Variants in MARK2 observed in about 807,000 individuals in gnomAD.
The protein encoded by MARK2 is serine/threonine-protein kinase MARK2.
In MARK2, 16 loss-of-function variants were observed where a neutral mutation model predicts 89.8. The ratio of observed to expected loss-of-function variants is 0.18; its 90% CI spans 0.12 to 0.27. MARK2 has a LOEUF of 0.27. Among genes scored for constraint, MARK2 ranks in the 10% least tolerant of loss-of-function variants. The pLI is 1.00. For missense variants in MARK2, 621 were observed against 1,049.9 expected (o/e 0.59, Z 5.65); for synonymous variants, 382 against 399.5 (o/e 0.96, Z 0.52).
chr11:63,848,589 C>T (rs755926185), intron 1 of MARK2, among the ~76,000 whole-genome samples: 26 of 148,082 alleles, frequency 1.8e-4, no homozygotes, highest in Non-Finnish European at 2.7e-4. Context: ...CTCGCTCTGT[C>T]GCCCAGGCTG....
intron 1 of MARK2, among the ~76,000 whole-genome samples, chr11:63,853,359 A>G (rs2016669210): frequency 6.6e-6 from 1 of 151,878 alleles, no homozygotes; most frequent in Non-Finnish European, 1.5e-5. Flanking sequence ...AGATCGTGCC[A>G]TTGCACTCCA....
intron 4 of MARK2, 108 bp downstream of exon 4, chr11:63,898,388 A>G (rs1590677868): frequency 8.8e-7 from 1 of 1,132,632 alleles, no homozygotes; most frequent in East Asian, 2.3e-5. Context: ...TGCAGTCTTC[A>G]AGGATACCCC....
chr11:63,903,390 C>A lies in MARK2; in HGVS notation c.1514+232C>A. ...TTGCCAAGTGTGGGGCTGACCGTGG[C>A]CATCTCAGCTACATGCTCGCTTCTT... is the stretch of plus-strand genomic sequence containing the variant. On this transcript the variant is annotated intron_variant, in intron 14 of 18. Transcript: ENST00000402010. The surrounding 1 kb of genome is among the most constrained non-coding windows in gnomAD (Gnocchi z 5.1). The A allele has an allele frequency of 1.8e-6, 1 of 541,248 alleles. No homozygotes were observed. The allele number at this position is 541,248 out of a possible 1,614,324, so 33.5% of individuals were successfully genotyped here. A position where few individuals can be genotyped will look rare whatever the true frequency, so the allele number is the denominator to read the frequency against.
At chr11:63,876,673 A>G (rs1009521084) in intron 1 of MARK2, among the ~76,000 whole-genome samples, 4 of 151,612 alleles carry the variant, frequency 2.6e-5, no homozygotes, top group African/African-American at 9.7e-5. Context: ...GCTGCCTTTT[A>G]GGATTTGTTG....
chr11:63,897,333 G>A (rs772905794), intron 3 of MARK2, among the ~76,000 whole-genome samples: 1 of 152,146 alleles, frequency 6.6e-6, no homozygotes, highest in Non-Finnish European at 1.5e-5. Flanking sequence ...CCTAATAAAG[G>A]GTAAGGTCAG....
At chr11:63,864,488 G>T (rs961640798) in intron 1 of MARK2, among the ~76,000 whole-genome samples, 1 of 147,354 alleles carries the variant, frequency 6.8e-6, no homozygotes, top group Non-Finnish European at 1.5e-5. Flanking sequence ...TTGAACTCCC[G>T]ACCTCAGGTG....
intron 17 of MARK2, among the ~76,000 whole-genome samples, chr11:63,907,212 A>G (rs1565150795): frequency 6.6e-6 from 1 of 152,176 alleles, no homozygotes; most frequent in Non-Finnish European, 1.5e-5. Context: ...AGGAACGTCC[A>G]GACAGGGTCT....
At chr11:63,887,788 A>G (rs1939493396) in intron 1 of MARK2, among the ~76,000 whole-genome samples, 1 of 152,160 alleles carries the variant, frequency 6.6e-6, no homozygotes, top group Non-Finnish European at 1.5e-5. Context: ...ATGTGCCCAG[A>G]TAGTGGGGGC....
chr11:63,900,523 G>A lies in MARK2; in HGVS notation c.769-36G>A. On this transcript the variant is annotated intron_variant, in intron 8 of 18. Transcript: ENST00000402010. This position sits in a 1 kb window ranked among gnomAD's most constrained non-coding sequence, Gnocchi z 4.7. Reference sequence around the variant, plus strand: ...TTAGGTTTCTTCCTTTGGCCTTGGGGTGATTTCAATTTTCTAACCCTGGAT... The same window carrying A: ...TTAGGTTTCTTCCTTTGGCCTTGGGATGATTTCAATTTTCTAACCCTGGAT... The A allele has an allele frequency of 6.2e-7, 1 of 1,609,952 alleles. No homozygotes were observed. Among genetic ancestry groups the A allele is most frequent in the Non-Finnish European group, 8.5e-7 (1 of 1,177,720 alleles).
rs1235960996 is a variant in MARK2, at chr11:63,900,228, G to A, written c.768+118G>A. 2 of 811,088 alleles carry A rather than the reference G, an allele frequency of 2.5e-6. No individual in the cohort carries two copies. Among genetic ancestry groups the A allele is most frequent in the East Asian group, 4.9e-5 (2 of 41,102 alleles). The allele number at this position is 811,088 out of a possible 1,614,324, so 50.2% of individuals were successfully genotyped here. A position where few individuals can be genotyped will look rare whatever the true frequency, so the allele number is the denominator to read the frequency against. ...TGTCCCAAGCCAAAGCTTCAGAGAA[G>A]GGCTTGCTGAGGTAGCAGCAGTCAA... On this transcript the variant is annotated intron_variant, in intron 8 of 18. Transcript: ENST00000402010. This position sits in a 1 kb window ranked among gnomAD's most constrained non-coding sequence, Gnocchi z 4.7.
At position 63,904,141 on chromosome 11, in the gene MARK2, G is replaced by A. The variant is rs1255701916; in HGVS notation, c.1670G>A (p.Arg557Gln). The change falls in exon 15 of 19, where the codon CGG becomes CAG. Residue 557 changes from arginine to glutamine, a missense_variant. Arg to Gln is a conservative substitution (Grantham distance 43, BLOSUM62 1). Transcript: ENST00000402010. This position sits in a 1 kb window ranked among gnomAD's most constrained non-coding sequence, Gnocchi z 6.3. ...ACGGAGAGTAACTGTGAGGTGCCGCGGCCCAGGCAAGTGTGCTGGGGCAGC... is the reference window on the plus strand; with the variant it reads ...ACGGAGAGTAACTGTGAGGTGCCGCAGCCCAGGCAAGTGTGCTGGGGCAGC... Reference protein sequence around the residue: ...PPTESNCEVPRPSTAPQRVPV... With the variant: ...PPTESNCEVPQPSTAPQRVPV... The A allele has an allele frequency of 4.4e-6, 7 of 1,576,658 alleles. No individual in the cohort carries two copies. Among genetic ancestry groups the A allele is most frequent in the Admixed American group, 1.8e-5 (1 of 55,354 alleles).
Position 63,839,349 on chromosome 11 carries a change from G to A in MARK2, c.-158G>A. 1 of 531,150 alleles carries A rather than the reference G, an allele frequency of 1.9e-6. No homozygotes were observed. Among genetic ancestry groups the A allele is most frequent in the Non-Finnish European group, 3.3e-6 (1 of 307,454 alleles). 32.9% of individuals were successfully genotyped at this position (531,150 alleles called of 1,614,324 possible). ...GCCTAGCCCGAGCGGCGCATCCCCG[G>A]GCTGGCGTGAGCGGCTGCCCGGCCT... On this transcript the variant is annotated 5_prime_UTR_variant, in exon 1 of 19. Transcript: ENST00000402010.
At chr11:63,851,279 A>G (rs1198925417) in intron 1 of MARK2, among the ~76,000 whole-genome samples, 1 of 152,106 alleles carries the variant, frequency 6.6e-6, no homozygotes, top group Admixed American at 6.6e-5. Context: ...TTCACATTGA[A>G]GCTGTGGCTG....
At chr11:63,894,380 A>G (rs543099121) in intron 1 of MARK2, among the ~76,000 whole-genome samples, 4 of 152,222 alleles carry the variant, frequency 2.6e-5, no homozygotes, top group Non-Finnish European at 5.9e-5. Flanking sequence ...CCATGCAGGA[A>G]GGGCTACTAC....
chr11:63,863,231 G>GTGCACATGGCTAGCTATGGGGAC (rs1366659129), intron 1 of MARK2, among the ~76,000 whole-genome samples: 1 of 152,128 alleles, frequency 6.6e-6, no homozygotes, highest in Non-Finnish European at 1.5e-5. Context: ...CCCCATAGCT[G>GTGCACATGGCTAGCTATGGGGAC]TGCACATGGC....
chr11:63,902,341 T>C lies in MARK2; in HGVS notation c.1234+11T>C, dbSNP rs1304791711. 1.2e-6 allele frequency: 2 copies of C among 1,613,666 alleles called. No individual in the cohort carries two copies. The highest frequency in any genetic ancestry group is 1.1e-5 in the South Asian group (1 of 91,076). On this transcript the variant is annotated intron_variant, in intron 12 of 18. Transcript: ENST00000402010. This position sits in a 1 kb window ranked among gnomAD's most constrained non-coding sequence, Gnocchi z 4.2. ...GCTTCAGCGACCAGGGTAAATGCTT[T>C]TGGGAGTTGTAGGTGGGGACTCACC...
intron 1 of MARK2, among the ~76,000 whole-genome samples, chr11:63,846,656 A>T (rs1369416660): frequency 2.0e-5 from 3 of 146,660 alleles, no homozygotes; most frequent in Admixed American, 6.8e-5. Context: ...GGCCAAAAAA[A>T]ATTTTTTTTT....
chr11:63,856,997 G>A (rs139398752), intron 1 of MARK2, among the ~76,000 whole-genome samples: 1 of 150,752 alleles, frequency 6.6e-6, no homozygotes, highest in South Asian at 2.1e-4. Context: ...ATTTTTATTA[G>A]AGATGGGGTT....
At chr11:63,861,696 G>A (rs192660448) in intron 1 of MARK2, among the ~76,000 whole-genome samples, 1 of 151,000 alleles carries the variant, frequency 6.6e-6, no homozygotes, top group Non-Finnish European at 1.5e-5. Flanking sequence ...TTACTCTGTC[G>A]CAAGCACTTG....
Sources: gnomAD v4.1 joint callset for allele counts (sites outside exome capture counted in the v4.1 genomes callset) on GRCh38, gnomAD v4.1.1 for gene constraint, Gnocchi (gnomAD v3.1) non-coding constraint, MANE v1.5 for transcripts, NCBI Gene and HGNC (gene_info 2026-07-23, HGNC 2026-07-21) for gene names.